PHF8: variants seen among roughly 807,000 people sequenced by gnomAD.
The protein encoded by PHF8 is PHD finger protein 8, also known as histone lysine demethylase PHF8.
In PHF8, 9 loss-of-function variants were observed where a neutral mutation model predicts 74.4. The observed-to-expected ratio is 0.12, with a 90% CI of 0.07 to 0.21. The LOEUF is 0.21. PHF8 is among the 10% of genes least tolerant of loss of function. The probability of loss-of-function intolerance (pLI) is 1.00; values close to 1 mark genes in which losing one functional copy is unlikely to be tolerated. For synonymous variants in PHF8, 311 were observed against 316.6 expected, an observed-to-expected ratio of 0.98 and a Z score of 0.19; for missense variants, 478 against 816.6, an observed-to-expected ratio of 0.59 and a Z score of 5.05.
upstream of PHF8, among the ~76,000 whole-genome samples, chrX:54,046,440 G>A (rs782491506): frequency 4.5e-5 from 5 of 110,560 alleles, no homozygotes; most frequent in Admixed American, 4.9e-4. Context: ...AATATTAGCC[G>A]TGTGTGGTGG....
chrX:53,997,015 T>C (rs2065759802), intron 11 of PHF8, among the ~76,000 whole-genome samples: 1 of 112,742 alleles, frequency 8.9e-6, no homozygotes, highest in Admixed American at 9.4e-5. Context: ...TGCTACTTTG[T>C]AAGGCACAGA....
chrX:53,940,771 T>A (rs782098568), intron 20 of PHF8, among the ~76,000 whole-genome samples: 90 of 112,333 alleles, frequency 8.0e-4, no homozygotes, highest in Admixed American at 1.9e-3. Context: ...GTAAATGAAT[T>A]TGGAGACTAG....
chrX:53,971,806 C>T (rs1220335549), intron 18 of PHF8, among the ~76,000 whole-genome samples: 1 of 111,215 alleles, frequency 9.0e-6, no homozygotes, highest in Non-Finnish European at 1.9e-5. Context: ...CCTGAATAGA[C>T]CAATAATGAG....
chrX:54,034,503 C>T (rs2066415321), intron 2 of PHF8, among the ~76,000 whole-genome samples: 1 of 111,507 alleles, frequency 9.0e-6, no homozygotes, highest in South Asian at 3.7e-4. Context: ...GAAAACTAAA[C>T]GTATCTGTTG....
At chrX:53,996,462 G>A (rs1035954780) in intron 11 of PHF8, among the ~76,000 whole-genome samples, 7 of 105,956 alleles carry the variant, frequency 6.6e-5, no homozygotes, top group African/African-American at 2.4e-4. Context: ...ATCAGCTATC[G>A]TTACGTATGG....
At chrX:53,986,712 C>A (rs187050615) in intron 16 of PHF8, among the ~76,000 whole-genome samples, 1 of 111,393 alleles carries the variant, frequency 9.0e-6, no homozygotes, top group Non-Finnish European at 1.9e-5. Flanking sequence ...GGCAAAAGAT[C>A]GCTTGAGCCC....
At chrX:53,939,812 C>T (rs1557082872) in intron 21 of PHF8, among the ~76,000 whole-genome samples, 2 of 110,803 alleles carry the variant, frequency 1.8e-5, no homozygotes, top group Non-Finnish European at 3.8e-5. Flanking sequence ...ATTAAATCCC[C>T]TCCCATGTCC....
At chrX:53,942,905 G>A (rs2064774066) in intron 20 of PHF8, 3 of 753,258 alleles carry the variant, frequency 4.0e-6, no homozygotes, top group Non-Finnish European at 4.7e-6. Flanking sequence ...CTGGAAGGAG[G>A]TCAGGGAGAT....
intron 9 of PHF8, among the ~76,000 whole-genome samples, 150 bp downstream of exon 9, chrX:54,002,437 ATAACTACT>A (rs2065840561): frequency 8.9e-6 from 1 of 112,180 alleles, no homozygotes; most frequent in Admixed American, 9.5e-5. Context: ...CCAAAGTCAA[ATAACTACT>A]AAGTGCAGAA....
chrX:54,040,223 T>C (rs1425733989), intron 2 of PHF8, among the ~76,000 whole-genome samples: 1 of 112,146 alleles, frequency 8.9e-6, no homozygotes, highest in Non-Finnish European at 1.9e-5. Context: ...TGTTCCCTGT[T>C]TCCAGAGTGA....
intron 6 of PHF8, among the ~76,000 whole-genome samples, chrX:54,015,303 G>A (rs1055735608): frequency 4.5e-5 from 5 of 111,156 alleles, no homozygotes; most frequent in African/African-American, 9.8e-5. Flanking sequence ...AGCGCCGGGC[G>A]CGGTGGCTCA....
At chrX:53,951,059 T>A (rs1305139139) in intron 19 of PHF8, among the ~76,000 whole-genome samples, 1 of 112,269 alleles carries the variant, frequency 8.9e-6, no homozygotes, top group African/African-American at 3.2e-5. Flanking sequence ...GTATGATGTC[T>A]CACCAAACAG....
At chrX:53,993,444 G>C (rs782614747) in intron 13 of PHF8, among the ~76,000 whole-genome samples, 157 bp downstream of exon 13, 6 of 112,215 alleles carry the variant, frequency 5.3e-5, no homozygotes, top group Non-Finnish European at 1.1e-4. Context: ...GCATAGAAAA[G>C]GTCTCAATAA....
intron 16 of PHF8, 21 bp from the exon 17 acceptor site, chrX:53,985,970 C>A: frequency 8.3e-7 from 1 of 1,206,130 alleles, no homozygotes. Context: ...GAGAGTGTAT[C>A]ACCTCAGCTG....
intron 2 of PHF8, among the ~76,000 whole-genome samples, chrX:54,041,491 G>A (rs1012128776): frequency 1.1e-4 from 12 of 111,140 alleles, no homozygotes; most frequent in African/African-American, 3.9e-4. Context: ...AACAGGAGGA[G>A]GGTGCCATAC....
intron 15 of PHF8, 74 bp downstream of exon 15, chrX:53,987,692 A>G (rs1473198252): frequency 2.1e-6 from 2 of 943,878 alleles, no homozygotes; most frequent in African/African-American, 3.9e-5. Context: ...CTGGGCAACA[A>G]GAGCAAAACT....
intron 20 of PHF8, chrX:53,942,565 T>G (rs1382873348): frequency 2.8e-6 from 1 of 355,509 alleles, no homozygotes; most frequent in Admixed American, 9.2e-5. Flanking sequence ...ACTAAACACA[T>G]TTTCTGACCA....
At chrX:53,980,654 TA>T (rs2149821384) in intron 18 of PHF8, among the ~76,000 whole-genome samples, 1 of 112,057 alleles carries the variant, frequency 8.9e-6, no homozygotes, top group Non-Finnish European at 1.9e-5. Context: ...ATAGAACTAA[TA>T]ACAGTATAAT....
intron 10 of PHF8, 133 bp from the exon 11 acceptor site, chrX:54,000,094 T>C (rs782746992): frequency 2.5e-5 from 13 of 513,162 alleles, no homozygotes; most frequent in Non-Finnish European, 4.3e-5. Flanking sequence ...GTTCTTCTGA[T>C]AGTGTTCATT....
Sources: gnomAD v4.1 joint callset for allele counts (sites outside exome capture counted in the v4.1 genomes callset) on GRCh38, gnomAD v4.1.1 for gene constraint, MANE v1.5 for transcripts, NCBI Gene and HGNC (gene_info 2026-07-23, HGNC 2026-07-21) for gene names.